The following DNAH17 variants were observed in gnomAD, a reference collection of about 807,000 sequenced individuals.
DNAH17 encodes the protein dynein axonemal heavy chain 17, also known as axonemal beta dynein heavy chain 17.
In DNAH17, 376 loss-of-function variants were observed where a neutral mutation model predicts 485.6. The ratio of observed to expected loss-of-function variants is 0.77; its 90% confidence interval spans 0.71 to 0.84. The LOEUF is 0.84. Ranked by LOEUF, DNAH17 falls within the 40% of genes least tolerant of loss-of-function variation. The pLI is 0.00. For synonymous variants in DNAH17, 3,031 were observed against 2,405.9 expected (o/e 1.26, Z -7.60); for missense variants, 6,370 against 5,839.3 (o/e 1.09, Z -2.96).
intron 61 of DNAH17, 111 bp from the exon 62 acceptor site, chr17:78,458,791 C>T (rs1489092318): frequency 8.7e-7 from 1 of 1,147,298 alleles, no homozygotes; most frequent in Non-Finnish European, 1.3e-6. Context: ...GAGGCTCCCA[C>T]AAAGGCTGAG....
At chr17:78,519,200 TA>T (rs2090873091) in intron 25 of DNAH17, among the ~76,000 whole-genome samples, 1 of 135,054 alleles carries the variant, frequency 7.4e-6, no homozygotes, top group South Asian at 2.3e-4. Context: ...AAAAGAAATG[TA>T]AAATATACTT....
At chr17:78,466,130 C>A (rs889397733) in intron 56 of DNAH17, among the ~76,000 whole-genome samples, 2 of 152,208 alleles carry the variant, frequency 1.3e-5, no homozygotes, top group East Asian at 1.9e-4. Context: ...TGTGACCTTA[C>A]CCCCAGCCCT....
In DNAH17 at chr17:78,441,087, G is replaced by C; in HGVS notation, c.11641C>G (p.Pro3881Ala). The change falls in exon 72 of 81, where the codon CCG (proline) becomes GCG (alanine). Residue 3881 changes from proline to alanine, a missense_variant. By Grantham distance (27) the Pro-to-Ala change is conservative. Transcript: ENST00000389840. Reference sequence around the variant, plus strand: ...ACGTCTTTCAAGGGGTCAACCCCCGGGGAGAGGATGAAGAAGATTGACGTG... The same window carrying C: ...ACGTCTTTCAAGGGGTCAACCCCCGCGGAGAGGATGAAGAAGATTGACGTG... ...PSTSIFFILSPGVDPLKDVEA... is the reference protein window; with the variant it reads ...PSTSIFFILSAGVDPLKDVEA... 6.2e-7 allele frequency: 1 copy of C among 1,610,852 alleles called. No individual in the cohort carries two copies. Among genetic ancestry groups the C allele is most frequent in the East Asian group, 2.2e-5 (1 of 44,800 alleles).
rs919629870 is a variant in DNAH17 at position 78,515,188 on chromosome 17, C to T, written c.3865-166G>A. Reference sequence around the variant, plus strand: ...GTGATTAGATACAAGAAAAAACAACCGTGGCGTCACAAAAGGTAAGATTTA... The same window carrying T: ...GTGATTAGATACAAGAAAAAACAACTGTGGCGTCACAAAAGGTAAGATTTA... On this transcript the variant is annotated intron_variant, in intron 25 of 80. Coordinates refer to ENST00000389840, the MANE Select transcript of DNAH17 (RefSeq NM_173628.4). Among the ~76,000 whole-genome samples the T allele has an allele frequency of 7.2e-5, 11 of 152,118 alleles. No homozygotes were observed. In the East Asian group the frequency reaches 9.6e-4, roughly 13 times the overall value.
At chr17:78,513,930 A>T (rs778605831) in intron 26 of DNAH17, among the ~76,000 whole-genome samples, 46 of 152,076 alleles carry the variant, frequency 3.0e-4, no homozygotes, top group Non-Finnish European at 5.0e-4. Flanking sequence ...GCCTCTGCAG[A>T]GTAGCTGCTT....
chr17:78,512,427 T>C (rs1156781500), intron 26 of DNAH17, among the ~76,000 whole-genome samples: 1 of 152,196 alleles, frequency 6.6e-6, no homozygotes, highest in Non-Finnish European at 1.5e-5. Flanking sequence ...CTCAGGATCA[T>C]CACTAAATAT....
At chr17:78,522,440 T>G (rs2090957118) in intron 25 of DNAH17, 1 of 300,060 alleles carries the variant, frequency 3.3e-6, no homozygotes, top group African/African-American at 2.3e-5. Flanking sequence ...AACAATCTTC[T>G]GGAATGGAAG....
intron 77 of DNAH17, chr17:78,428,236 A>T (rs923295381): frequency 6.5e-6 from 3 of 464,970 alleles, no homozygotes; most frequent in Non-Finnish European, 1.2e-5. Context: ...GGGAAGCTGG[A>T]AGACTGCAGG....
intron 66 of DNAH17, 121 bp from the exon 67 acceptor site, chr17:78,450,967 C>CAGGTCCTGGAAGGGGCTGCAGAAGCAG: frequency 1.5e-6 from 2 of 1,303,516 alleles, no homozygotes. Context: ...GGAACGAGCT[C>CAGGTCCTGGAAGGGGCTGCAGAAGCAG]AGGTCCTGGA....
Position 78,505,367 on chromosome 17 carries a change from T to C in DNAH17, c.4882A>G (p.Lys1628Glu), listed in dbSNP as rs764718036. The C allele has an allele frequency of 8.5e-5, 137 of 1,613,684 alleles. No individual in the cohort carries two copies. Among genetic ancestry groups the C allele is most frequent in the Non-Finnish European group, 1.1e-4 (135 of 1,179,840 alleles). Residue 1628 changes from lysine (K) to glutamate (E), a missense_variant, in exon 31 of 81, where the codon AAG (lysine) becomes GAG (glutamate). Physicochemically the swap from Lys to Glu is moderately conservative, Grantham distance 56. Coordinates refer to ENST00000389840, the MANE Select transcript of DNAH17 (RefSeq NM_173628.4). ...TTGCTGTACATTCCCAGGCCCACCT[T>C]GAGAGGTTTGTCACTGGCATCGAGC... is the stretch of plus-strand genomic sequence containing the variant. ...FRLDASDKPL[K>E]VGLGMYSKED...
intron 7 of DNAH17, 93 bp from the exon 8 acceptor site, chr17:78,569,620 G>C (rs1021874997): frequency 4.4e-5 from 62 of 1,410,938 alleles, no homozygotes; most frequent in Admixed American, 2.6e-4. Flanking sequence ...GATCTGTTCT[G>C]ACATATGGAT....
At chr17:78,440,448 C>T (rs1053147853) in intron 72 of DNAH17, among the ~76,000 whole-genome samples, 10 of 151,418 alleles carry the variant, frequency 6.6e-5, no homozygotes, top group South Asian at 2.1e-4. Flanking sequence ...TTTGTAGAGA[C>T]GGGGTTTTGC....
chr17:78,570,405 G>A (rs749373285), intron 6 of DNAH17, 33 bp from the exon 7 acceptor site: 2 of 1,598,556 alleles, frequency 1.3e-6, no homozygotes, highest in East Asian at 2.2e-5. Context: ...ACACTGGAGG[G>A]GACTGGCCGC....
At chr17:78,426,002 A>T (rs1486039695) in intron 79 of DNAH17, among the ~76,000 whole-genome samples, 2 of 152,114 alleles carry the variant, frequency 1.3e-5, no homozygotes, top group Admixed American at 6.5e-5. Context: ...GCTTCAAGTG[A>T]TCTGCCTGCC....
intron 69 of DNAH17, among the ~76,000 whole-genome samples, chr17:78,447,122 G>T (rs958015670): frequency 6.6e-6 from 1 of 151,988 alleles, no homozygotes; most frequent in Non-Finnish European, 1.5e-5. Context: ...GTGGAGATGG[G>T]GTCTTGCTAT....
rs1400803669 is a variant in DNAH17, at chr17:78,532,537, C to T, written c.3059G>A (p.Trp1020Ter). ...TGTCTTGGGGATGGTGTCATCTGTC[C>T]AGGTGTCCAAGTCCTCCGCAGTGAC... ...CAVTAEDLDT[W>*]TDDTIPKTPP... The change falls in exon 20 of 81, where the codon TGG becomes TAG. Residue 1020 changes from tryptophan to a stop codon, truncating the protein, a stop_gained. Coordinates refer to ENST00000389840, the MANE Select transcript of DNAH17 (RefSeq NM_173628.4). LOFTEE classifies it high-confidence loss of function. 1 of 1,611,324 alleles carries T rather than the reference C, an allele frequency of 6.2e-7. No individual in the cohort carries two copies. Among genetic ancestry groups the T allele is most frequent in the Non-Finnish European group, 8.5e-7 (1 of 1,178,992 alleles).
intron 7 of DNAH17, among the ~76,000 whole-genome samples, chr17:78,569,967 C>A (rs1009064715): frequency 2.6e-5 from 4 of 152,204 alleles, no homozygotes; most frequent in Non-Finnish European, 4.4e-5. Flanking sequence ...TAGAGAAGCC[C>A]ACAAAGCACT....
chr17:78,561,606 A>AC, intron 12 of DNAH17, 109 bp downstream of exon 12: 1 of 1,331,250 alleles, frequency 7.5e-7, no homozygotes, highest in Non-Finnish European at 1.0e-6. Flanking sequence ...CTGGGAGGTA[A>AC]CAGTCTGGTC....
At chr17:78,464,088 C>T (rs1020406790) in intron 56 of DNAH17, among the ~76,000 whole-genome samples, 7 of 152,198 alleles carry the variant, frequency 4.6e-5, no homozygotes, top group African/African-American at 1.7e-4. Context: ...TTTATTCTGT[C>T]CTACTTAATA....
Sources: allele counts gnomAD v4.1 joint callset (sites outside exome capture counted in the v4.1 genomes callset), GRCh38; gene constraint gnomAD v4.1.1; transcripts MANE v1.5; gene names NCBI Gene and HGNC (gene_info 2026-07-23, HGNC 2026-07-21).